ZNF521: variants seen among roughly 807,000 people sequenced by gnomAD.
ZNF521 encodes LYST-interacting protein 3.
ZNF521 carries 14 observed loss-of-function variants against 105.5 expected under a neutral mutation model. The ratio of observed to expected loss-of-function variants is 0.13; its 90% CI spans 0.09 to 0.21. The LOEUF is 0.21. ZNF521 is among the 10% of genes least tolerant of loss of function. The probability of loss-of-function intolerance (pLI) is 1.00; values close to 1 mark genes in which losing one functional copy is unlikely to be tolerated. For missense variants in ZNF521, 1,233 were observed against 1,629.7 expected (o/e 0.76, Z 4.19); for synonymous variants, 635 against 606.0 (o/e 1.05, Z -0.70).
chr18:25,224,367 A>C lies in ZNF521; in HGVS notation c.3551T>G (p.Ile1184Ser), dbSNP rs1176299387. The change falls in exon 4 of 8, where the codon ATC becomes AGC. Residue 1184 changes from isoleucine to serine, a missense_variant. Physicochemically the swap from Ile to Ser is moderately radical, Grantham distance 142. Transcript: ENST00000361524. ...TACCTCATCCGACTGGGAGGGACTG[A>C]TTCTGGGCATTGGTGATACTTGGGG... ...KTPQVSPMPR[I>S]SPSQSDEKKT... 4 of 1,612,838 alleles carry C rather than the reference A, an allele frequency of 2.5e-6. No homozygotes were observed. Among genetic ancestry groups the C allele is most frequent in the Non-Finnish European group, 3.4e-6 (4 of 1,179,298 alleles).
intron 3 of ZNF521, among the ~76,000 whole-genome samples, chr18:25,228,112 C>T (rs770522657): frequency 9.2e-5 from 14 of 152,178 alleles, no homozygotes; most frequent in African/African-American, 1.7e-4. Flanking sequence ...GGAAATATTA[C>T]GGGAATGATT....
chr18:25,244,288 A>G (rs985019299), intron 3 of ZNF521, among the ~76,000 whole-genome samples: 39 of 133,210 alleles, frequency 2.9e-4, no homozygotes, highest in African/African-American at 1.1e-3. Context: ...ATGTGCACAC[A>G]CACACACACA....
intron 3 of ZNF521, among the ~76,000 whole-genome samples, chr18:25,231,767 G>A (rs1243273710): frequency 2.6e-5 from 4 of 152,198 alleles, no homozygotes; most frequent in East Asian, 1.9e-4. Context: ...ATGATTAAGC[G>A]GGTCTTAATT....
chr18:25,222,511 G>A (rs1385345302), intron 4 of ZNF521, among the ~76,000 whole-genome samples: 1 of 152,108 alleles, frequency 6.6e-6, no homozygotes, highest in African/African-American at 2.4e-5. Context: ...AGAAACAAGA[G>A]AGTCCAGCTA....
At position 25,246,378 on chromosome 18, in the gene ZNF521, A is replaced by G. The variant is rs1405428274; in HGVS notation, c.221-18681T>C. 3.3e-5 allele frequency among the ~76,000 whole-genome samples: 5 copies of G among 152,240 alleles called. No homozygotes were observed. In the South Asian group the frequency reaches 6.2e-4, roughly 19 times the overall value. Reference sequence around the variant, plus strand: ...AGAAGGTCCCTTTGTTTCAGTGCGTATAACACCACAATCAATTGTAGGGAT... The same window carrying G: ...AGAAGGTCCCTTTGTTTCAGTGCGTGTAACACCACAATCAATTGTAGGGAT... On this transcript the variant is annotated intron_variant, in intron 3 of 7. Coordinates refer to ENST00000361524, the MANE Select transcript of ZNF521 (RefSeq NM_015461.3).
intron 7 of ZNF521, among the ~76,000 whole-genome samples, chr18:25,074,044 GTC>G (rs1491032230): frequency 4.8e-4 from 55 of 115,042 alleles, no homozygotes; most frequent in South Asian, 1.7e-3. Flanking sequence ...GCATGTGTGT[GTC>G]TGTGCACATG....
chr18:25,168,352 C>T (rs777977919), intron 5 of ZNF521, among the ~76,000 whole-genome samples: 1 of 152,188 alleles, frequency 6.6e-6, no homozygotes, highest in Non-Finnish European at 1.5e-5. Context: ...GCTCCACATA[C>T]GACAGCCATT....
At chr18:25,172,814 T>C (rs1263710658) in intron 5 of ZNF521, among the ~76,000 whole-genome samples, 1 of 152,226 alleles carries the variant, frequency 6.6e-6, no homozygotes, top group Admixed American at 6.5e-5. Context: ...CTATCTTTTC[T>C]GGGTTATATG....
At chr18:25,243,861 G>GT (rs1266834906) in intron 3 of ZNF521, among the ~76,000 whole-genome samples, 3 of 152,146 alleles carry the variant, frequency 2.0e-5, no homozygotes, top group Non-Finnish European at 4.4e-5. Flanking sequence ...AGGACTTGAT[G>GT]TTTTTTGGGG....
intron 3 of ZNF521, among the ~76,000 whole-genome samples, chr18:25,247,572 T>C (rs1838200693): frequency 6.6e-6 from 1 of 152,202 alleles, no homozygotes. Flanking sequence ...AGTATTTTTT[T>C]GAAGTTTCTC....
At chr18:25,296,838 T>C (rs1911345399) in intron 3 of ZNF521, among the ~76,000 whole-genome samples, 1 of 152,170 alleles carries the variant, frequency 6.6e-6, no homozygotes, top group Admixed American at 6.5e-5. Flanking sequence ...TCATAATCAC[T>C]AGACAATATG....
At chr18:25,274,445 A>G (rs1276467821) in intron 3 of ZNF521, among the ~76,000 whole-genome samples, 1 of 152,230 alleles carries the variant, frequency 6.6e-6, no homozygotes, top group Non-Finnish European at 1.5e-5. Context: ...CATAAAATGC[A>G]GACTATTACC....
intron 4 of ZNF521, among the ~76,000 whole-genome samples, chr18:25,206,157 C>T (rs2036076026): frequency 6.6e-6 from 1 of 152,080 alleles, no homozygotes; most frequent in Non-Finnish European, 1.5e-5. Context: ...GCATGAGCTA[C>T]CTCGCCCAGC....
chr18:25,283,032 G>T (rs749248225), intron 3 of ZNF521, among the ~76,000 whole-genome samples: 2 of 152,182 alleles, frequency 1.3e-5, no homozygotes, highest in Non-Finnish European at 2.9e-5. Context: ...TAACCACAGC[G>T]TGCCTGCTTT....
At position 25,096,595 on chromosome 18, in the gene ZNF521, C is replaced by T. The variant is rs143097773; in HGVS notation, c.3659-4514G>A. 8.5e-5 allele frequency among the ~76,000 whole-genome samples: 13 copies of T among 152,288 alleles called. No individual in the cohort carries two copies. In the East Asian group the frequency reaches 2.5e-3, roughly 29 times the overall value. Reference sequence around the variant, plus strand: ...CTTTTCCTTCAATAAAAACAAAAATCTAGAGTGGCTACAAGCAAATGTTCA... The same window carrying T: ...CTTTTCCTTCAATAAAAACAAAAATTTAGAGTGGCTACAAGCAAATGTTCA... On this transcript the variant is annotated intron_variant, in intron 5 of 7. Coordinates refer to ENST00000361524, the MANE Select transcript of ZNF521 (RefSeq NM_015461.3).
chr18:25,272,536 G>C (rs1012998069), intron 3 of ZNF521, among the ~76,000 whole-genome samples: 6 of 152,158 alleles, frequency 3.9e-5, no homozygotes, highest in African/African-American at 1.2e-4. Context: ...GGATAGACTG[G>C]ATGAAGAAAA....
At chr18:25,264,925 G>A (rs1215026216) in intron 3 of ZNF521, among the ~76,000 whole-genome samples, 5 of 152,014 alleles carry the variant, frequency 3.3e-5, no homozygotes, top group African/African-American at 1.2e-4. Flanking sequence ...ATGGCAGGAA[G>A]GAGAAAAGGA....
chr18:25,224,378 T>C lies in ZNF521; in HGVS notation c.3540A>G (p.Pro1180=), dbSNP rs1192312668. Residue 1180 remains proline, a synonymous_variant, in exon 4 of 8, where the codon CCA becomes CCG. Transcript: ENST00000361524. The stretch of plus-strand genomic sequence containing the variant: ...ACTGGGAGGGACTGATTCTGGGCAT[T>C]GGTGATACTTGGGGCGTTTTCAACT... ...STQLKTPQVS[P]MPRISPSQSD... 6.2e-7 allele frequency: 1 copy of C among 1,613,444 alleles called. No individual in the cohort carries two copies. Among genetic ancestry groups the C allele is most frequent in the South Asian group, 1.1e-5 (1 of 91,058 alleles).
intron 5 of ZNF521, among the ~76,000 whole-genome samples, chr18:25,191,249 G>A (rs2144622884): frequency 6.6e-6 from 1 of 152,184 alleles, no homozygotes; most frequent in South Asian, 2.1e-4. Context: ...TTATGTAAAT[G>A]GCTTGTACCT....
Sources: gnomAD v4.1 joint callset for allele counts (sites outside exome capture counted in the v4.1 genomes callset) on GRCh38, gnomAD v4.1.1 for gene constraint, MANE v1.5 for transcripts, NCBI Gene and HGNC (gene_info 2026-07-23, HGNC 2026-07-21) for gene names.